SLCO3A1: variants seen among roughly 807,000 people sequenced by gnomAD.
SLCO3A1 encodes PGE1 transporter.
A neutral mutation model predicts 63.1 loss-of-function variants in SLCO3A1; 27 were observed. That is an observed-to-expected ratio of 0.43 (90% CI 0.32 to 0.59). The LOEUF is 0.59. SLCO3A1 is among the 20% of genes least tolerant of loss of function. The pLI is 0.09. For synonymous variants in SLCO3A1, 473 were observed against 409.9 expected (o/e 1.15, Z -1.86); for missense variants, 773 against 945.8 (o/e 0.82, Z 2.40).
rs769943508 is a variant in SLCO3A1, at chr15:92,128,462, T to C, written c.1485T>C (p.Ser495=). Residue 495 remains serine, a synonymous_variant, in exon 7 of 10, where the codon TCT becomes TCC. Coordinates refer to ENST00000318445, the MANE Select transcript of SLCO3A1 (RefSeq NM_013272.4). ...VCGADGITYL[S]ACFAGCNSTN... is the part of the protein sequence containing the mutation. ...GGGCAGATGGCATCACCTACCTGTC[T>C]GCCTGCTTTGCTGGCTGCAACAGCA... 1.9e-5 allele frequency: 30 copies of C among 1,613,790 alleles called. No homozygotes were observed. The highest frequency in any genetic ancestry group is 2.4e-5 in the Non-Finnish European group (28 of 1,179,938).
In SLCO3A1 at chr15:92,126,253, G is replaced by A. The variant is rs1387268065; in HGVS notation, c.1367G>A (p.Gly456Glu). The A allele has an allele frequency of 3.1e-6, 5 of 1,613,762 alleles. No individual in the cohort carries two copies. In the Admixed American group the frequency reaches 5.0e-5, roughly 16 times the overall value. The part of the protein sequence containing the change: ...GPVAGVTVPY[G>E]NSTAPGSALD... ...GTGGCTGGGGTTACTGTTCCCTATG[G>A]AAACAGGTGAGTACTGGCAGTGTCT... The change falls in exon 6 of 10, where the codon GGA (glycine) becomes GAA (glutamate). Residue 456 changes from glycine to glutamate, a missense_variant. Gly to Glu is a moderately conservative substitution (Grantham distance 98). Around this residue, in one of 3 missense-constraint regions of SLCO3A1, gnomAD observed 565 missense variants for 749.8 expected, o/e 0.75. Transcript: ENST00000318445.
chr15:92,017,011 G>T (rs1334991091), intron 2 of SLCO3A1, among the ~76,000 whole-genome samples: 1 of 152,050 alleles, frequency 6.6e-6, no homozygotes, highest in African/African-American at 2.4e-5. Context: ...GGATACAGAG[G>T]ATCAGCTACT....
rs114703690 is a variant in SLCO3A1 at position 91,928,772 on chromosome 15, C to T, written c.646+12314C>T. On this transcript the variant is annotated intron_variant, in intron 2 of 9. Transcript: ENST00000318445. ...ACTCTCATCAGATAAAGCATTGCTC[C>T]CACAAAAAAATCATGTGAGTTGTTT... is the stretch of plus-strand genomic sequence containing the variant. 4.0e-3 allele frequency among the ~76,000 whole-genome samples: 604 copies of T among 152,238 alleles called. 4 individuals carry two copies. The highest frequency in any genetic ancestry group is 0.013 in the African/African-American group (523 of 41,540).
rs990408884 is a variant in SLCO3A1, at chr15:91,860,494, G to A, written c.180+6406G>A. 6.6e-5 allele frequency among the ~76,000 whole-genome samples: 10 copies of A among 152,306 alleles called. No homozygotes were observed. Among genetic ancestry groups the A allele is most frequent in the Non-Finnish European group, 1.2e-4 (8 of 68,030 alleles). On this transcript the variant is annotated intron_variant, in intron 1 of 9. Coordinates refer to ENST00000318445, the MANE Select transcript of SLCO3A1 (RefSeq NM_013272.4). This position sits in a 1 kb window ranked among gnomAD's most constrained non-coding sequence, Gnocchi z 5.5. The stretch of plus-strand genomic sequence containing the variant: ...TAACAGTAATGGTATAACCCTGCTC[G>A]TTGACATTAGCACCAACAAAAGTCC...
At chr15:92,145,505 T>G (rs2048210250) in intron 7 of SLCO3A1, among the ~76,000 whole-genome samples, 1 of 152,106 alleles carries the variant, frequency 6.6e-6, no homozygotes, top group Non-Finnish European at 1.5e-5. Flanking sequence ...GAGGTTCTTG[T>G]CTCCTCCAGG....
At position 91,882,167 on chromosome 15, in the gene SLCO3A1, C is replaced by T. The variant is rs190952138; in HGVS notation, c.180+28079C>T. Among the ~76,000 whole-genome samples the T allele has an allele frequency of 1.1e-3, 167 of 152,208 alleles. 1 individual carries two copies. Among genetic ancestry groups the T allele is most frequent in the Non-Finnish European group, 1.7e-3 (119 of 68,018 alleles). On this transcript the variant is annotated intron_variant, in intron 1 of 9. Coordinates refer to ENST00000318445, the MANE Select transcript of SLCO3A1 (RefSeq NM_013272.4). The surrounding 1 kb of genome is among the most constrained non-coding windows in gnomAD (Gnocchi z 4.4). ...TGCTTACCTCTGAACACTAGGATCA[C>T]GCTTAGCATGGTAATAGTGAGATCT...
chr15:91,928,409 C>T (rs1272041361), intron 2 of SLCO3A1, among the ~76,000 whole-genome samples: 1 of 152,164 alleles, frequency 6.6e-6, no homozygotes, highest in Non-Finnish European at 1.5e-5. Context: ...TGTTCAGGGT[C>T]ATATGGTTAG....
At position 91,875,391 on chromosome 15, in the gene SLCO3A1, C is replaced by T. The variant is rs953401899; in HGVS notation, c.180+21303C>T. ...TGGCATGATGTTGGCACTGCCTTTCCAGTTTACTCTCTCCACAGGGTAAAA... is the reference window on the plus strand; with the variant it reads ...TGGCATGATGTTGGCACTGCCTTTCTAGTTTACTCTCTCCACAGGGTAAAA... On this transcript the variant is annotated intron_variant, in intron 1 of 9. Transcript: ENST00000318445. The surrounding 1 kb of genome is among the most constrained non-coding windows in gnomAD (Gnocchi z 4.5). Among the ~76,000 whole-genome samples the T allele has an allele frequency of 1.5e-4, 23 of 152,180 alleles. No homozygotes were observed. Among genetic ancestry groups the T allele is most frequent in the African/African-American group, 4.8e-4 (20 of 41,434 alleles).
Position 91,897,615 on chromosome 15 carries a change from G to A in SLCO3A1, c.181-18378G>A, listed in dbSNP as rs749150228. 7.2e-5 allele frequency among the ~76,000 whole-genome samples: 11 copies of A among 152,110 alleles called. No individual in the cohort carries two copies. Among genetic ancestry groups the A allele is most frequent in the Non-Finnish European group, 1.6e-4 (11 of 68,028 alleles). ...CTGGTGCCTTTGACTATCTCAAAAC[G>A]TGGCTGCAGGTGTTTTCCCTAGCTG... On this transcript the variant is annotated intron_variant, in intron 1 of 9. Coordinates refer to ENST00000318445, the MANE Select transcript of SLCO3A1 (RefSeq NM_013272.4). This position sits in a 1 kb window ranked among gnomAD's most constrained non-coding sequence, Gnocchi z 4.7.
chr15:92,100,833 G>A (rs925564737), intron 3 of SLCO3A1, among the ~76,000 whole-genome samples: 2 of 152,194 alleles, frequency 1.3e-5, no homozygotes, highest in African/African-American at 4.8e-5. Flanking sequence ...ATCCAGTGTA[G>A]GTCAACAGGG....
intron 2 of SLCO3A1, among the ~76,000 whole-genome samples, chr15:92,045,297 T>C (rs1372169334): frequency 8.2e-6 from 1 of 121,616 alleles, no homozygotes; most frequent in African/African-American, 3.2e-5. Flanking sequence ...AAAAAAAAAA[T>C]TGTCTCTTAG....
intron 2 of SLCO3A1, among the ~76,000 whole-genome samples, chr15:92,004,226 C>G (rs928172798): frequency 7.9e-5 from 12 of 152,162 alleles, no homozygotes; most frequent in Non-Finnish European, 1.5e-4. Context: ...AGCTGACAGA[C>G]CTGGACAGGT....
At chr15:92,157,432 C>CG (rs2048385217) in intron 9 of SLCO3A1, among the ~76,000 whole-genome samples, 1 of 152,102 alleles carries the variant, frequency 6.6e-6, no homozygotes, top group African/African-American at 2.4e-5. Context: ...TGGCCCCCCC[C>CG]CTTGTCCTCC....
At chr15:92,143,773 G>A (rs1434384453) in intron 7 of SLCO3A1, among the ~76,000 whole-genome samples, 3 of 151,678 alleles carry the variant, frequency 2.0e-5, no homozygotes, top group Admixed American at 6.6e-5. Context: ...CTGGGGCTGC[G>A]TAACTGTCAG....
intron 7 of SLCO3A1, among the ~76,000 whole-genome samples, chr15:92,137,991 T>A (rs1159196392): frequency 8.6e-6 from 1 of 115,816 alleles, no homozygotes; most frequent in Non-Finnish European, 1.7e-5. Flanking sequence ...AGATCCCATT[T>A]GTCAATTTTG....
chr15:91,945,871 AGAG>A (rs1899788991), intron 2 of SLCO3A1, among the ~76,000 whole-genome samples: 1 of 152,204 alleles, frequency 6.6e-6, no homozygotes, highest in African/African-American at 2.4e-5. Context: ...GGCAGAATTG[AGAG>A]GAGTTCCTGA....
chr15:92,016,525 A>T (rs779809741), intron 2 of SLCO3A1, among the ~76,000 whole-genome samples: 11 of 152,280 alleles, frequency 7.2e-5, no homozygotes, highest in Non-Finnish European at 1.6e-4. Context: ...GGCAATCTCT[A>T]TGGCCTTTGT....
At chr15:91,919,792 A>T (rs1472548463) in intron 2 of SLCO3A1, among the ~76,000 whole-genome samples, 1 of 151,602 alleles carries the variant, frequency 6.6e-6, no homozygotes, top group Non-Finnish European at 1.5e-5. Flanking sequence ...GTGAAATGGG[A>T]GTACTAAAGA....
chr15:92,082,354 G>A (rs557091629), intron 2 of SLCO3A1, among the ~76,000 whole-genome samples: 4 of 152,318 alleles, frequency 2.6e-5, no homozygotes, highest in African/African-American at 9.6e-5. Context: ...GATGAGAAAC[G>A]CAAAGCCCTG....
Sources: allele counts gnomAD v4.1 joint callset (sites outside exome capture counted in the v4.1 genomes callset), GRCh38; gene constraint gnomAD v4.1.1; regional missense constraint gnomAD v4.1.1; non-coding constraint Gnocchi (gnomAD v3.1); transcripts MANE v1.5; gene names NCBI Gene and HGNC (gene_info 2026-07-23, HGNC 2026-07-21).